Variants in ZFP37 observed in about 807,000 individuals in gnomAD.
ZFP37 encodes the protein zinc finger protein 37 homolog.
In ZFP37, 38 loss-of-function variants were observed where a neutral mutation model predicts 52.1. The ratio of observed to expected loss-of-function variants is 0.73; its 90% CI spans 0.56 to 0.96. The LOEUF is 0.96. ZFP37 is among the 40% of genes least tolerant of loss of function. ZFP37 has a pLI of 0.00. For synonymous variants in ZFP37, 253 were observed against 259.5 expected (o/e 0.98, Z 0.24); for missense variants, 695 against 741.4 (o/e 0.94, Z 0.73).
chr9:113,044,252 A>T lies in ZFP37; in HGVS notation c.366T>A (p.Asp122Glu). ...KETDGKVQKDDDQLENIQKSQ... is the reference protein window; with the variant it reads ...KETDGKVQKDEDQLENIQKSQ... ...ATTTCTGGATATTTTCAAGCTGGTC[A>T]TCATCTTTCTGGACTTCTAAAATGG... The change falls in exon 4 of 4, where the codon GAT (aspartate) becomes GAA (glutamate). Residue 122 changes from aspartate (D) to glutamate (E), a missense_variant. Physicochemically the swap from Asp to Glu is conservative, Grantham distance 45. Coordinates refer to ENST00000374227, the MANE Select transcript of ZFP37 (RefSeq NM_003408.3). 1 of 1,564,768 alleles carries T rather than the reference A, an allele frequency of 6.4e-7. No individual in the cohort carries two copies. Among genetic ancestry groups the T allele is most frequent in the Non-Finnish European group, 8.6e-7 (1 of 1,163,324 alleles).
rs766050691 is a variant in ZFP37, at chr9:113,043,167, G to T, written c.1451C>A (p.Thr484Asn). 28 of 1,613,684 alleles carry T rather than the reference G, an allele frequency of 1.7e-5. No individual in the cohort carries two copies. Among genetic ancestry groups the T allele is most frequent in the Middle Eastern group, 3.3e-4 (2 of 6,070 alleles). ...SHLIIHQRTH[T>N]KEKPYKCNEC... ...ATTACATTTATAAGGTTTCTCCTTA[G>T]TATGAGTTCTTTGATGTATAATGAG... is the stretch of plus-strand genomic sequence containing the variant. The change falls in exon 4 of 4, where the codon ACT (threonine) becomes AAT (asparagine). Residue 484 changes from threonine (T) to asparagine (N), a missense_variant. By Grantham distance (65) the Thr-to-Asn change is moderately conservative. Around this residue, in one of 2 missense-constraint regions of ZFP37, gnomAD observed 326 missense variants for 400.5 expected, o/e 0.81. Coordinates refer to ENST00000374227, the MANE Select transcript of ZFP37 (RefSeq NM_003408.3).
intron 3 of ZFP37, among the ~76,000 whole-genome samples, chr9:113,046,474 T>C (rs545494640): frequency 3.9e-5 from 6 of 152,062 alleles, no homozygotes; most frequent in Non-Finnish European, 5.9e-5. Flanking sequence ...AACTGAAAAC[T>C]TTCCCCTTGA....
intron 3 of ZFP37, among the ~76,000 whole-genome samples, chr9:113,046,925 G>A (rs763845643): frequency 2.0e-5 from 3 of 152,018 alleles, no homozygotes; most frequent in Admixed American, 1.3e-4. Flanking sequence ...TAGCTAACAC[G>A]GTGAAACCCC....
rs745470562 is a variant in ZFP37, at chr9:113,049,780, A to G, written c.214+11T>C. 2.5e-6 allele frequency: 4 copies of G among 1,612,254 alleles called. No homozygotes were observed. Among genetic ancestry groups the G allele is most frequent in the Non-Finnish European group, 2.5e-6 (3 of 1,179,262 alleles). On this transcript the variant is annotated intron_variant, in intron 2 of 3. Transcript: ENST00000374227. ...TGGACACATTTTGAATTACAAAGGAATTGTTCTTACCCATTGAGGCTTGGT... is the reference window on the plus strand; with the variant it reads ...TGGACACATTTTGAATTACAAAGGAGTTGTTCTTACCCATTGAGGCTTGGT...
Position 113,056,561 on chromosome 9 carries a change from G to A in ZFP37, c.128C>T (p.Ala43Val), listed in dbSNP as rs1829148888. 1.2e-6 allele frequency: 2 copies of A among 1,613,336 alleles called. No individual in the cohort carries two copies. Among genetic ancestry groups the A allele is most frequent in the Non-Finnish European group, 8.5e-7 (1 of 1,179,930 alleles). Residue 43 changes from alanine (A) to valine (V), a missense_variant, in exon 1 of 4, where the codon GCC becomes GTC. Physicochemically the swap from Ala to Val is moderately conservative, Grantham distance 64 (BLOSUM62 0). Around this residue, in one of 2 missense-constraint regions of ZFP37, gnomAD observed 369 missense variants for 340.9 expected, o/e 1.08. Coordinates refer to ENST00000374227, the MANE Select transcript of ZFP37 (RefSeq NM_003408.3). ...CTGTCTCATCACAGCTCTCACCGCG[G>A]CGCTGGCCTCGGGCTCGGACACAGC... is the stretch of plus-strand genomic sequence containing the variant. ...EMAVSEPEAS[A>V]AEWKQLDPAQ...
chr9:113,050,996 A>C lies in ZFP37; in HGVS notation c.133-1124T>G, dbSNP rs549219229. On this transcript the variant is annotated intron_variant, in intron 1 of 3. Coordinates refer to ENST00000374227, the MANE Select transcript of ZFP37 (RefSeq NM_003408.3). ...CAATGTTCTTTAGAAATAAAGGAGA[A>C]AGTTGGGGAGAAATAGAGGAAGGGG... is the stretch of plus-strand genomic sequence containing the variant. 2.0e-5 allele frequency among the ~76,000 whole-genome samples: 3 copies of C among 152,310 alleles called. No homozygotes were observed. In the South Asian group the frequency reaches 6.2e-4, roughly 32 times the overall value.
chr9:113,040,337 T>G lies in ZFP37; in HGVS notation c.*2388A>C, dbSNP rs901628197. The G allele has an allele frequency of 1.3e-5, 2 of 152,238 alleles. No homozygotes were observed. 9.4% of individuals were successfully genotyped at this position (152,238 alleles called of 1,614,324 possible). A position where few individuals can be genotyped will look rare whatever the true frequency, so the allele number is the denominator to read the frequency against. ...CTAAAAAGTGCAGGCTTTCTACAGC[T>G]CTAGACAGTGATGACTCATTCTGTG... On this transcript the variant is annotated 3_prime_UTR_variant, in exon 4 of 4. Transcript: ENST00000374227.
In ZFP37 at chr9:113,049,428, C is replaced by A. The variant is rs1225467778; in HGVS notation, c.283G>T (p.Gly95Trp). The A allele has an allele frequency of 6.2e-7, 1 of 1,614,108 alleles. No homozygotes were observed. The highest frequency in any genetic ancestry group is 1.1e-5 in the South Asian group (1 of 91,076). ...GGACAACCTTGACTGGGTCTTTTCC[C>A]CTTCCCCAACCATGGTGCTTCTCCT... ...EKGEAPWLGK[G>W]KRPSQGCPSK... The change falls in exon 3 of 4, where the codon GGG becomes TGG. Residue 95 changes from glycine (G) to tryptophan (W), a missense_variant. Physicochemically the swap from Gly to Trp is radical, Grantham distance 184. Transcript: ENST00000374227.
chr9:113,055,549 A>G (rs1270769208), intron 1 of ZFP37, among the ~76,000 whole-genome samples: 1 of 152,208 alleles, frequency 6.6e-6, no homozygotes, highest in Non-Finnish European at 1.5e-5. Context: ...AAAATAAAAA[A>G]TACCCCCTGG....
intron 3 of ZFP37, 35 bp from the exon 4 acceptor site, chr9:113,044,303 C>A (rs1445069147): frequency 6.7e-7 from 1 of 1,503,188 alleles, no homozygotes; most frequent in Admixed American, 2.4e-5. Flanking sequence ...TCTTGTGAAT[C>A]TTTGTACTCT....
Position 113,041,045 on chromosome 9 carries a change from T to C in ZFP37, c.*1680A>G, listed in dbSNP as rs1227233108. 6.6e-6 allele frequency: 1 copy of C among 152,104 alleles called. No individual in the cohort carries two copies. The highest frequency in any genetic ancestry group is 6.6e-5 in the Admixed American group (1 of 15,260). 9.4% of individuals were successfully genotyped at this position (152,104 alleles called of 1,614,324 possible). A position where few individuals can be genotyped will look rare whatever the true frequency, so the allele number is the denominator to read the frequency against. ...ATCTCCTGGGTGCAAGCAACTCTCTTGCCTCAGCCTCCTGAGTGGCTGGGA... is the reference window on the plus strand; with the variant it reads ...ATCTCCTGGGTGCAAGCAACTCTCTCGCCTCAGCCTCCTGAGTGGCTGGGA... On this transcript the variant is annotated 3_prime_UTR_variant, in exon 4 of 4. Transcript: ENST00000374227.
chr9:113,056,429 C>T (rs1191081824), intron 1 of ZFP37, 128 bp downstream of exon 1: 2 of 1,475,792 alleles, frequency 1.4e-6, no homozygotes, highest in African/African-American at 2.8e-5. Flanking sequence ...CACCGACCTC[C>T]CAAAAGACCA....
Position 113,056,618 on chromosome 9 carries a change from G to T in ZFP37, c.71C>A (p.Thr24Lys). Residue 24 changes from threonine (T) to lysine (K), a missense_variant, in exon 1 of 4, where the codon ACG becomes AAG. Physicochemically the swap from Thr to Lys is moderately conservative, Grantham distance 78. Coordinates refer to ENST00000374227, the MANE Select transcript of ZFP37 (RefSeq NM_003408.3). The stretch of plus-strand genomic sequence containing the variant: ...CAGTGGTCGCCCGGCCTCTTTGGTC[G>T]TTTCCGCACTTCTCCTCCGGTCCAC... ...ETVDRRRSAE[T>K]TKEAGRPLEM... The T allele has an allele frequency of 1.9e-6, 3 of 1,614,008 alleles. No homozygotes were observed. Among genetic ancestry groups the T allele is most frequent in the Non-Finnish European group, 2.5e-6 (3 of 1,180,016 alleles).
At chr9:113,046,561 A>C (rs112283334) in intron 3 of ZFP37, among the ~76,000 whole-genome samples, 303 of 152,300 alleles carry the variant, frequency 2.0e-3, no homozygotes, top group African/African-American at 6.9e-3. Flanking sequence ...GAAAAGACAT[A>C]AGATACTACA....
chr9:113,052,983 G>A lies in ZFP37; in HGVS notation c.133-3111C>T, dbSNP rs1444838494. On this transcript the variant is annotated intron_variant, in intron 1 of 3. Transcript: ENST00000374227. The surrounding 1 kb of genome is among the most constrained non-coding windows in gnomAD (Gnocchi z 4.1). Reference sequence around the variant, plus strand: ...CCAGCTAAATTCCTGCCATAATGCTGCACTACCTCCGTATCAACGTGGAAG... The same window carrying A: ...CCAGCTAAATTCCTGCCATAATGCTACACTACCTCCGTATCAACGTGGAAG... 6.6e-6 allele frequency among the ~76,000 whole-genome samples: 1 copy of A among 152,148 alleles called. No homozygotes were observed. The highest frequency in any genetic ancestry group is 1.5e-5 in the Non-Finnish European group (1 of 68,026).
intron 1 of ZFP37, among the ~76,000 whole-genome samples, chr9:113,054,322 T>A (rs990091595): frequency 2.0e-5 from 3 of 152,326 alleles, no homozygotes; most frequent in Admixed American, 2.0e-4. Flanking sequence ...CTCTCTGTTG[T>A]TTTTTGTCTT....
Position 113,056,557 on chromosome 9 carries a change from C to G in ZFP37, c.132G>C (p.Ala44=). 1 of 1,613,448 alleles carries G rather than the reference C, an allele frequency of 6.2e-7. No individual in the cohort carries two copies. The highest frequency in any genetic ancestry group is 1.6e-4 in the Middle Eastern group (1 of 6,062). The change falls in exon 1 of 4, where the codon GCG becomes GCC. Residue 44 remains alanine (A), a splice_region_variant and synonymous_variant. Coordinates refer to ENST00000374227, the MANE Select transcript of ZFP37 (RefSeq NM_003408.3). ...CACCCTGTCTCATCACAGCTCTCAC[C>G]GCGGCGCTGGCCTCGGGCTCGGACA... ...MAVSEPEASA[A]EWKQLDPAQS... is the part of the protein sequence containing the mutation.
chr9:113,044,164 T>C lies in ZFP37; in HGVS notation c.454A>G (p.Ser152Gly). ...KKKTQAKKNG[S>G]DCGSLGKKNN... ...TTTTTCCCCAGTGAACCACAGTCAC[T>C]GCCATTCTTCTTAGCTTGAGTTTTC... Residue 152 changes from serine to glycine, a missense_variant, in exon 4 of 4, where the codon AGT becomes GGT. Physicochemically the swap from Ser to Gly is moderately conservative, Grantham distance 56 (BLOSUM62 0). Transcript: ENST00000374227. The C allele has an allele frequency of 6.2e-7, 1 of 1,611,476 alleles. No homozygotes were observed. The highest frequency in any genetic ancestry group is 8.5e-7 in the Non-Finnish European group (1 of 1,179,406).
chr9:113,051,101 A>G (rs1217299797), intron 1 of ZFP37, among the ~76,000 whole-genome samples: 1 of 152,210 alleles, frequency 6.6e-6, no homozygotes, highest in Non-Finnish European at 1.5e-5. Context: ...ATCAGAATAA[A>G]GATTTCAAAA....
Sources: allele counts gnomAD v4.1 joint callset (sites outside exome capture counted in the v4.1 genomes callset), GRCh38; gene constraint gnomAD v4.1.1; regional missense constraint gnomAD v4.1.1; non-coding constraint Gnocchi (gnomAD v3.1); transcripts MANE v1.5; gene names NCBI Gene and HGNC (gene_info 2026-07-23, HGNC 2026-07-21).